The following ZNF567 variants were observed in gnomAD, a reference collection of about 807,000 sequenced individuals.
The protein encoded by ZNF567 is zinc finger protein 567.
Under a neutral mutation model 53.9 loss-of-function variants are expected in ZNF567, and 36 were observed. The observed-to-expected ratio is 0.67, with a 90% confidence interval of 0.51 to 0.88. The LOEUF (loss-of-function observed/expected upper bound fraction) is 0.88, where lower values mean the gene tolerates loss of function less well. Among genes scored for constraint, ZNF567 ranks in the 40% least tolerant of loss-of-function variants. The probability of loss-of-function intolerance (pLI) is 0.00; values close to 1 mark genes in which losing one functional copy is unlikely to be tolerated. For synonymous variants in ZNF567, 224 were observed against 260.4 expected, an observed-to-expected ratio of 0.86 and a Z score of 1.35; for missense variants, 619 against 764.7, an observed-to-expected ratio of 0.81 and a Z score of 2.25.
At chr19:36,721,583 T>C (rs1434578647), downstream of ZNF567, among the ~76,000 whole-genome samples, 4 of 152,108 alleles carry the variant, frequency 2.6e-5, no homozygotes, top group African/African-American at 9.7e-5. Context: ...AAATTCGTAT[T>C]GGAGGGAAAT....
At chr19:36,701,353 A>G (rs938859924) in intron 3 of ZNF567, among the ~76,000 whole-genome samples, 39 of 151,660 alleles carry the variant, frequency 2.6e-4, no homozygotes, top group African/African-American at 8.9e-4. Context: ...GTATGTGGTC[A>G]ATTTTGGAAT....
the ZNF567 span, among the ~76,000 whole-genome samples, chr19:36,675,822 C>G: frequency 3.3e-5 from 5 of 152,192 alleles, no homozygotes; most frequent in Non-Finnish European, 5.9e-5. Context: ...GCACTCCAGA[C>G]TGGGTGACAG....
downstream of ZNF567, chr19:36,727,176 A>G (rs2040339192): frequency 1.3e-5 from 2 of 151,060 alleles, no homozygotes; most frequent in South Asian, 2.1e-4. Flanking sequence ...GGTTCAAGCA[A>G]TTCTCCTGCC....
chr19:36,706,980 T>C (rs2039530725), intron 3 of ZNF567, among the ~76,000 whole-genome samples: 1 of 152,178 alleles, frequency 6.6e-6, no homozygotes, highest in Non-Finnish European at 1.5e-5. Flanking sequence ...TATTTACCTA[T>C]GTTTTAACGT....
At chr19:36,678,136 A>G in the ZNF567 span, among the ~76,000 whole-genome samples, 1 of 152,218 alleles carries the variant, frequency 6.6e-6, no homozygotes, top group East Asian at 1.9e-4. Flanking sequence ...AGGTGGCTCA[A>G]AGAAGAGGGA....
At chr19:36,715,496 TAATA>T (rs2040005385) in intron 5 of ZNF567, among the ~76,000 whole-genome samples, 1 of 47,430 alleles carries the variant, frequency 2.1e-5, no homozygotes, top group South Asian at 6.3e-4. Context: ...ATAATAATAA[TAATA>T]ATAATAATAA....
intron 5 of ZNF567, among the ~76,000 whole-genome samples, chr19:36,718,511 T>C (rs536598640): frequency 5.5e-4 from 83 of 151,984 alleles, no homozygotes; most frequent in African/African-American, 2.0e-3. Flanking sequence ...AAAAAAATAA[T>C]AATAATTATT....
chr19:36,722,733 C>T (rs932899549), downstream of ZNF567, among the ~76,000 whole-genome samples: 58 of 152,252 alleles, frequency 3.8e-4, no homozygotes, highest in African/African-American at 1.4e-3. Context: ...ACAGCCATTG[C>T]CAATCAGTAG....
chr19:36,710,266 A>G (rs1049821827), intron 3 of ZNF567, among the ~76,000 whole-genome samples: 1 of 145,456 alleles, frequency 6.9e-6, no homozygotes, highest in African/African-American at 2.5e-5. Flanking sequence ...CATTTAGAAC[A>G]GCTACTTTGA....
At chr19:36,674,307 T>A in the ZNF567 span, among the ~76,000 whole-genome samples, 13 of 152,188 alleles carry the variant, frequency 8.5e-5, no homozygotes, top group African/African-American at 3.1e-4. Flanking sequence ...TGCTTTTGTA[T>A]TGCTTATAAT....
At chr19:36,673,720 T>C in the ZNF567 span, among the ~76,000 whole-genome samples, 1 of 151,846 alleles carries the variant, frequency 6.6e-6, no homozygotes, top group South Asian at 2.1e-4. Context: ...ACACACACCC[T>C]GTTTGTTCTG....
chr19:36,707,017 G>C (rs1047686312), intron 3 of ZNF567, among the ~76,000 whole-genome samples: 1 of 152,076 alleles, frequency 6.6e-6, no homozygotes, highest in African/African-American at 2.4e-5. Flanking sequence ...ACAGCTAGTA[G>C]ATGGTTTGGT....
At chr19:36,706,670 T>G (rs1329621754) in intron 3 of ZNF567, among the ~76,000 whole-genome samples, 4 of 37,104 alleles carry the variant, frequency 1.1e-4, no homozygotes, top group Non-Finnish European at 2.0e-4. Flanking sequence ...TTACTGTTGG[T>G]TTTTTTTTTT....
At position 36,719,951 on chromosome 19, in the gene ZNF567, T is replaced by C. The variant is rs1487711769; in HGVS notation, c.1227T>C (p.Thr409=). Reference sequence around the variant, plus strand: ...CCTTTCACCAGAAGGCAAATCTTACTGTACATCAGAGAACTCATACAGGGG... The same window carrying C: ...CCTTTCACCAGAAGGCAAATCTTACCGTACATCAGAGAACTCATACAGGGG... ...GKSFHQKANL[T]VHQRTHTGEK... is the part of the protein sequence containing the mutation. The change falls in exon 6 of 6, where the codon ACT becomes ACC. Residue 409 remains threonine (T), a synonymous_variant. Transcript: ENST00000682579. The C allele has an allele frequency of 3.7e-6, 6 of 1,613,984 alleles. No homozygotes were observed. In the East Asian group the frequency reaches 8.9e-5, roughly 24 times the overall value.
Position 36,687,883 on chromosome 19 carries a change from G to A in ZNF567, c.-168+249G>A, listed in dbSNP as rs563289040. Among the ~76,000 whole-genome samples, 14 of 152,296 alleles carry A rather than the reference G, an allele frequency of 9.2e-5. No homozygotes were observed. In the East Asian group the frequency reaches 2.7e-3, roughly 29 times the overall value. On this transcript the variant is annotated intron_variant, in intron 1 of 5. Coordinates refer to ENST00000682579, the MANE Select transcript of ZNF567 (RefSeq NM_001322917.1). ...ACCGGTTGCCCGAGGCGGGGGGTGA[G>A]CTCCCCAGTGGCAGGAATTTCGTCT...
chr19:36,710,138 C>A (rs966293620), intron 3 of ZNF567, among the ~76,000 whole-genome samples: 45 of 151,898 alleles, frequency 3.0e-4, no homozygotes, highest in African/African-American at 1.1e-3. Context: ...ATTCTTTTTT[C>A]TTTCTGTTCA....
At chr19:36,723,132 G>A (rs1294486101), downstream of ZNF567, 8 of 702,476 alleles carry the variant, frequency 1.1e-5, no homozygotes, top group Non-Finnish European at 2.1e-5. Context: ...TAACAGTGGT[G>A]ACTAACAGAA....
the ZNF567 span, chr19:36,669,071 T>C: frequency 7.8e-4 from 119 of 152,166 alleles, no homozygotes; most frequent in African/African-American, 2.8e-3. Context: ...GGTTATTAGG[T>C]GTTATAAGTA....
intron 3 of ZNF567, among the ~76,000 whole-genome samples, chr19:36,702,130 A>C (rs2145705949): frequency 6.6e-6 from 1 of 152,088 alleles, no homozygotes; most frequent in Non-Finnish European, 1.5e-5. Flanking sequence ...TGGTGACAAA[A>C]ATCTCTCAGC....
Sources: allele counts gnomAD v4.1 joint callset (sites outside exome capture counted in the v4.1 genomes callset), GRCh38; gene constraint gnomAD v4.1.1; transcripts MANE v1.5; gene names NCBI Gene and HGNC (gene_info 2026-07-23, HGNC 2026-07-21).